The following SLC9A2 variants were observed in gnomAD, a reference collection of about 807,000 sequenced individuals.
SLC9A2 encodes the protein sodium/hydrogen exchanger 2.
Under a neutral mutation model 71.7 loss-of-function variants are expected in SLC9A2, and 42 were observed. That is an observed-to-expected ratio of 0.59 (90% CI 0.46 to 0.76). SLC9A2 has a LOEUF of 0.76. Among genes scored for constraint, SLC9A2 ranks in the 30% least tolerant of loss-of-function variants. SLC9A2 has a pLI of 0.00. For missense variants in SLC9A2, 829 were observed against 1,017.4 expected (o/e 0.81, Z 2.52); for synonymous variants, 396 against 392.5 (o/e 1.01, Z -0.10).
chr2:102,625,948 G>C (rs977114754), intron 1 of SLC9A2, among the ~76,000 whole-genome samples: 2 of 152,170 alleles, frequency 1.3e-5, no homozygotes, highest in African/African-American at 4.8e-5. Context: ...CAGTGTAAAA[G>C]TGTTCCTATT....
chr2:102,619,967 C>G lies in SLC9A2; in HGVS notation c.119C>G (p.Pro40Arg). Residue 40 changes from proline (P) to arginine (R), a missense_variant, in exon 1 of 12, where the codon CCG becomes CGG. Physicochemically the swap from Pro to Arg is moderately radical, Grantham distance 103. Around this residue, in one of 3 missense-constraint regions of SLC9A2, gnomAD observed 106 missense variants for 93.5 expected, o/e 1.13. Transcript: ENST00000233969. The surrounding 1 kb of genome is among the most constrained non-coding windows in gnomAD (Gnocchi z 4.3). ...CTGGCGGAGACCTTGCTGAACGCGC[C>G]GAGGGCCATGGGCACCAGTTCCAGC... ...GALAETLLNA[P>R]RAMGTSSSPP... 9 of 1,613,020 alleles carry G rather than the reference C, an allele frequency of 5.6e-6. No individual in the cohort carries two copies. Among genetic ancestry groups the G allele is most frequent in the Non-Finnish European group, 7.6e-6 (9 of 1,179,550 alleles).
intron 1 of SLC9A2, among the ~76,000 whole-genome samples, chr2:102,646,857 C>A (rs1028534380): frequency 6.7e-6 from 1 of 149,688 alleles, no homozygotes; most frequent in Non-Finnish European, 1.5e-5. Flanking sequence ...ACTTAGACTC[C>A]CATACAATAA....
chr2:102,656,055 G>C (rs1042501495), intron 1 of SLC9A2, among the ~76,000 whole-genome samples: 1 of 152,348 alleles, frequency 6.6e-6, no homozygotes, highest in South Asian at 2.1e-4. Context: ...TTAGAGGGGG[G>C]ACAGCCAAAG....
chr2:102,627,638 G>A (rs1026863039), intron 1 of SLC9A2, among the ~76,000 whole-genome samples: 1 of 151,806 alleles, frequency 6.6e-6, no homozygotes, highest in African/African-American at 2.4e-5. Context: ...CCTTGATCAG[G>A]TATGCAGGAG....
intron 3 of SLC9A2, among the ~76,000 whole-genome samples, chr2:102,670,092 C>T (rs375072592): frequency 1.3e-4 from 20 of 151,024 alleles, no homozygotes; most frequent in East Asian, 1.9e-4. Flanking sequence ...AATGCAGTGG[C>T]GCGATCTCTG....
chr2:102,661,454 AG>A (rs938945754), intron 2 of SLC9A2, among the ~76,000 whole-genome samples: 16 of 152,232 alleles, frequency 1.1e-4, no homozygotes, highest in African/African-American at 3.6e-4. Context: ...ACAGCAGAAT[AG>A]TTCTAAAATT....
Position 102,708,639 on chromosome 2 carries a change from G to T in SLC9A2, c.*150G>T. On this transcript the variant is annotated 3_prime_UTR_variant, in exon 12 of 12. Coordinates refer to ENST00000233969, the MANE Select transcript of SLC9A2 (RefSeq NM_003048.6). ...ACAGATTCATGCCACGGATAAATGA[G>T]GCAAATCCGAAGAAAAGGAAAATCG... 1.1e-6 allele frequency: 1 copy of T among 879,864 alleles called. No homozygotes were observed. Among genetic ancestry groups the T allele is most frequent in the Non-Finnish European group, 1.7e-6 (1 of 591,618 alleles). The allele number at this position is 879,864 out of a possible 1,614,324, so 54.5% of individuals were successfully genotyped here.
At chr2:102,650,772 A>G (rs1447638429) in intron 1 of SLC9A2, among the ~76,000 whole-genome samples, 1 of 152,198 alleles carries the variant, frequency 6.6e-6, no homozygotes, top group Non-Finnish European at 1.5e-5. Flanking sequence ...TGGGGTTAAT[A>G]AGAACATATG....
At chr2:102,703,528 A>T (rs1264329607) in intron 9 of SLC9A2, among the ~76,000 whole-genome samples, 3 of 152,258 alleles carry the variant, frequency 2.0e-5, no homozygotes, top group South Asian at 2.1e-4. Flanking sequence ...ATGGAATAGC[A>T]CTTGGAGCTT....
At chr2:102,656,026 C>T (rs565402966) in intron 1 of SLC9A2, among the ~76,000 whole-genome samples, 3 of 152,348 alleles carry the variant, frequency 2.0e-5, no homozygotes, top group East Asian at 1.9e-4. Context: ...ACAGCTATCA[C>T]GTTGGCAACA....
At chr2:102,652,185 G>C (rs1156492127) in intron 1 of SLC9A2, among the ~76,000 whole-genome samples, 1 of 152,212 alleles carries the variant, frequency 6.6e-6, no homozygotes, top group Non-Finnish European at 1.5e-5. Context: ...TTATTGGGCA[G>C]CCTTGATCTG....
At chr2:102,672,935 C>A (rs1677282434) in intron 3 of SLC9A2, among the ~76,000 whole-genome samples, 1 of 152,064 alleles carries the variant, frequency 6.6e-6, no homozygotes, top group Non-Finnish European at 1.5e-5. Context: ...ATTTACTCTG[C>A]AGACTGACTG....
chr2:102,675,648 G>A (rs1677334002), intron 3 of SLC9A2, among the ~76,000 whole-genome samples: 1 of 152,074 alleles, frequency 6.6e-6, no homozygotes, highest in Non-Finnish European at 1.5e-5. Context: ...GAAGATGCCT[G>A]CACACTAACT....
intron 3 of SLC9A2, among the ~76,000 whole-genome samples, chr2:102,679,385 A>ATTG (rs1677406160): frequency 1.3e-5 from 1 of 74,400 alleles, no homozygotes; most frequent in African/African-American, 6.0e-5. Context: ...TATATATATA[A>ATTG]TTTTTTTTTT....
At chr2:102,655,671 G>A (rs1346953846) in intron 1 of SLC9A2, among the ~76,000 whole-genome samples, 3 of 152,194 alleles carry the variant, frequency 2.0e-5, no homozygotes. Flanking sequence ...AACATTGAAT[G>A]TGGTACATGA....
At chr2:102,650,285 C>G (rs1676806240) in intron 1 of SLC9A2, among the ~76,000 whole-genome samples, 1 of 152,016 alleles carries the variant, frequency 6.6e-6, no homozygotes, top group South Asian at 2.1e-4. Flanking sequence ...CATATAGACA[C>G]AGAGAGGGCC....
At chr2:102,670,849 CTTTTT>C (rs10687841) in intron 3 of SLC9A2, among the ~76,000 whole-genome samples, 2 of 75,890 alleles carry the variant, frequency 2.6e-5, no homozygotes, top group African/African-American at 4.8e-5. Flanking sequence ...GGAAGGCATG[CTTTTT>C]TTTTTTTTTT....
At chr2:102,671,249 C>A (rs1264861655) in intron 3 of SLC9A2, among the ~76,000 whole-genome samples, 1 of 151,664 alleles carries the variant, frequency 6.6e-6, no homozygotes, top group African/African-American at 2.4e-5. Context: ...ATTGCCTTGA[C>A]AAATAATAGT....
At chr2:102,642,480 AT>A (rs1676603481) in intron 1 of SLC9A2, among the ~76,000 whole-genome samples, 1 of 152,012 alleles carries the variant, frequency 6.6e-6, no homozygotes, top group East Asian at 1.9e-4. Context: ...ACACTGGTGA[AT>A]TTTTGAATAT....
Sources: allele counts gnomAD v4.1 joint callset (sites outside exome capture counted in the v4.1 genomes callset), GRCh38; gene constraint gnomAD v4.1.1; regional missense constraint gnomAD v4.1.1; non-coding constraint Gnocchi (gnomAD v3.1); transcripts MANE v1.5; gene names NCBI Gene and HGNC (gene_info 2026-07-23, HGNC 2026-07-21).